The following UBAC2 variants were observed in gnomAD, a reference collection of about 807,000 sequenced individuals.
UBAC2 encodes the protein ubiquitin-associated domain-containing protein 2.
A neutral mutation model predicts 44.0 loss-of-function variants in UBAC2; 26 were observed. The observed-to-expected ratio is 0.59, with a 90% CI of 0.43 to 0.82. UBAC2 has a LOEUF of 0.82. Among genes scored for constraint, UBAC2 ranks in the 40% least tolerant of loss-of-function variants. The pLI, the probability that UBAC2 is intolerant of heterozygous loss-of-function variation, is 0.00. For missense variants in UBAC2, 329 were observed against 419.4 expected (o/e 0.78, Z 1.88); for synonymous variants, 155 against 154.3 (o/e 1.00, Z -0.04).
chr13:99,221,585 G>T (rs933596186), intron 1 of UBAC2, among the ~76,000 whole-genome samples: 1 of 152,176 alleles, frequency 6.6e-6, no homozygotes, highest in Non-Finnish European at 1.5e-5. Context: ...GTGTAAGCTG[G>T]TTTTTTGTTC....
chr13:99,349,170 G>A (rs1358011616), intron 7 of UBAC2, among the ~76,000 whole-genome samples: 1 of 152,138 alleles, frequency 6.6e-6, no homozygotes, highest in East Asian at 1.9e-4. Flanking sequence ...ATGATCATCC[G>A]AATGGTGCCT....
chr13:99,330,501 CG>C, intron 6 of UBAC2, among the ~76,000 whole-genome samples: 1 of 129,270 alleles, frequency 7.7e-6, no homozygotes, highest in South Asian at 2.5e-4. Context: ...TTCTGTATTT[CG>C]TTCTTGTGTC....
intron 4 of UBAC2, among the ~76,000 whole-genome samples, chr13:99,250,108 T>G (rs976731167): frequency 2.0e-5 from 3 of 152,236 alleles, no homozygotes; most frequent in Non-Finnish European, 4.4e-5. Context: ...CAATTGCTTT[T>G]GAGGACTTAG....
chr13:99,338,590 C>T lies in UBAC2; in HGVS notation c.562-1730C>T, dbSNP rs1481680170. 3.9e-5 allele frequency among the ~76,000 whole-genome samples: 6 copies of T among 152,148 alleles called. No homozygotes were observed. The East Asian group carries it at 1.2e-3, about 29-fold the overall frequency. On this transcript the variant is annotated intron_variant, in intron 6 of 8. Coordinates refer to ENST00000403766, the MANE Select transcript of UBAC2 (RefSeq NM_001144072.2). ...TGTTAGCATGGTTCAGGATTAGTTT[C>T]TGGTTTCATGGACCTTGGAGTTTGT... is the stretch of plus-strand genomic sequence containing the variant.
chr13:99,250,781 C>T lies in UBAC2; in HGVS notation c.389+6157C>T, dbSNP rs190623125. Among the ~76,000 whole-genome samples the T allele has an allele frequency of 2.4e-3, 362 of 151,954 alleles. 4 individuals are homozygous for T. The highest frequency in any genetic ancestry group is 0.011 in the South Asian group (52 of 4,802). ...TTTTTTTTTGAGACGGAGTCTCACT[C>T]TGTCACCCAGGCTGGAGTGAAGTGG... On this transcript the variant is annotated intron_variant, in intron 4 of 8. Coordinates refer to ENST00000403766, the MANE Select transcript of UBAC2 (RefSeq NM_001144072.2).
chr13:99,241,332 C>G (rs921185185), intron 2 of UBAC2, among the ~76,000 whole-genome samples: 1 of 150,518 alleles, frequency 6.6e-6, no homozygotes, highest in African/African-American at 2.4e-5. Context: ...TTCACAATAG[C>G]AAAAAGGCAG....
At chr13:99,316,233 G>T in intron 5 of UBAC2, among the ~76,000 whole-genome samples, 1 of 151,974 alleles carries the variant, frequency 6.6e-6, no homozygotes, top group East Asian at 1.9e-4. Flanking sequence ...TGGCATGCAG[G>T]GTTCTTCTTG....
In UBAC2 at chr13:99,227,833, T is replaced by C. The variant is rs186500271; in HGVS notation, c.32-10594T>C. On this transcript the variant is annotated intron_variant, in intron 1 of 8. Coordinates refer to ENST00000403766, the MANE Select transcript of UBAC2 (RefSeq NM_001144072.2). The stretch of plus-strand genomic sequence containing the variant: ...AGAATACCAAAGCAAACCGTTCATT[T>C]ATTCATTTGGTGCATGTGTTGGGAG... Among the ~76,000 whole-genome samples the C allele has an allele frequency of 5.3e-5, 8 of 152,334 alleles. No individual in the cohort carries two copies. The East Asian group carries it at 1.5e-3, about 29-fold the overall frequency.
chr13:99,257,402 A>G, intron 4 of UBAC2, among the ~76,000 whole-genome samples: 1 of 152,186 alleles, frequency 6.6e-6, no homozygotes, highest in Non-Finnish European at 1.5e-5. Context: ...TTAGTATTGC[A>G]TCAGGACTCC....
rs773370310 is a variant in UBAC2, at chr13:99,234,171, C to CTTTTTTT, written c.32-4233_32-4227dup. Among the ~76,000 whole-genome samples, 45 of 61,714 alleles carry CTTTTTTT rather than the reference C, an allele frequency of 7.3e-4. 3 individuals carry two copies. The highest frequency in any genetic ancestry group is 9.2e-4 in the Non-Finnish European group (33 of 35,892). The allele number at this position is 61,714 out of a possible 152,430, so 40.5% of individuals were successfully genotyped here. On this transcript the variant is annotated intron_variant, in intron 1 of 8. Transcript: ENST00000403766. Reference sequence around the variant, plus strand: ...GGGCCGGACATTGTGCTAGCCGTTTCTTTTTTTTTTTTTTTTTTTTTTTTT... The same window carrying CTTTTTTT: ...GGGCCGGACATTGTGCTAGCCGTTTCTTTTTTTTTTTTTTTTTTTTTTTTTTTTTTTT...
intron 8 of UBAC2, among the ~76,000 whole-genome samples, chr13:99,379,815 T>C (rs567802922): frequency 7.3e-4 from 111 of 152,364 alleles, no homozygotes; most frequent in African/African-American, 2.5e-3. Context: ...TTCTGTGCTA[T>C]AGATAAACAT....
In UBAC2 at chr13:99,385,465, A is replaced by C. The variant is rs1593999850; in HGVS notation, c.*130A>C. On this transcript the variant is annotated 3_prime_UTR_variant, in exon 9 of 9. Coordinates refer to ENST00000403766, the MANE Select transcript of UBAC2 (RefSeq NM_001144072.2). ...TGTGGGAAGAGGGAGGTTCCACCGC[A>C]CCCCTGCCCTCAACCGCAAGACTGT... 2 of 703,916 alleles carry C rather than the reference A, an allele frequency of 2.8e-6. No homozygotes were observed. The highest frequency in any genetic ancestry group is 1.8e-5 in the African/African-American group (1 of 56,768). 43.6% of individuals were successfully genotyped at this position (703,916 alleles called of 1,614,324 possible).
chr13:99,354,758 T>C (rs1014911953), intron 7 of UBAC2, among the ~76,000 whole-genome samples: 2 of 152,124 alleles, frequency 1.3e-5, no homozygotes, highest in African/African-American at 4.8e-5. Flanking sequence ...GGCAGTGTCA[T>C]TGTGAAAGGG....
intron 7 of UBAC2, among the ~76,000 whole-genome samples, chr13:99,345,722 A>G (rs1594151097): frequency 1.3e-5 from 2 of 149,160 alleles, no homozygotes; most frequent in Non-Finnish European, 3.0e-5. Context: ...CTTGACAGGT[A>G]CTGTTTCTTT....
intron 8 of UBAC2, among the ~76,000 whole-genome samples, chr13:99,382,116 T>C (rs1298887449): frequency 1.3e-5 from 2 of 152,200 alleles, no homozygotes; most frequent in Admixed American, 6.5e-5. Flanking sequence ...TGACCTGACG[T>C]GTTTGACATT....
chr13:99,255,506 T>C (rs755626668), intron 4 of UBAC2: 2 of 1,614,040 alleles, frequency 1.2e-6, no homozygotes, highest in Non-Finnish European at 1.7e-6. Flanking sequence ...GGCTGTACAA[T>C]GGCCATGTAT....
chr13:99,248,342 G>A (rs2043414526), intron 4 of UBAC2, among the ~76,000 whole-genome samples: 1 of 151,442 alleles, frequency 6.6e-6, no homozygotes, highest in African/African-American at 2.4e-5. Flanking sequence ...TCCCAGCTCA[G>A]CCTCCTGAGT....
chr13:99,319,184 G>C (rs189839528), intron 6 of UBAC2, among the ~76,000 whole-genome samples: 1 of 152,008 alleles, frequency 6.6e-6, no homozygotes, highest in Non-Finnish European at 1.5e-5. Context: ...AATAATAAGC[G>C]TTTGTCCTAA....
At chr13:99,206,558 A>T (rs2042875030) in intron 1 of UBAC2, among the ~76,000 whole-genome samples, 1 of 151,962 alleles carries the variant, frequency 6.6e-6, no homozygotes, top group Non-Finnish European at 1.5e-5. Context: ...CTCTTTCTTC[A>T]TATCCAGTCT....
Sources: gnomAD v4.1 joint callset for allele counts (sites outside exome capture counted in the v4.1 genomes callset) on GRCh38, gnomAD v4.1.1 for gene constraint, MANE v1.5 for transcripts, NCBI Gene and HGNC (gene_info 2026-07-23, HGNC 2026-07-21) for gene names.